Variants in UBXN2A observed in about 807,000 individuals in gnomAD.
UBXN2A encodes UBX domain protein 2A.
Under a neutral mutation model 28.4 loss-of-function variants are expected in UBXN2A, and 28 were observed. That is an observed-to-expected ratio of 0.99 (90% CI 0.73 to 1.35). The LOEUF (loss-of-function observed/expected upper bound fraction) is 1.35. UBXN2A is among the 40% of genes most tolerant of loss of function. The probability of loss-of-function intolerance (pLI) is 0.00; values close to 1 mark genes in which losing one functional copy is unlikely to be tolerated. For missense variants in UBXN2A, 253 were observed against 297.9 expected, an observed-to-expected ratio of 0.85 and a Z score of 1.11; for synonymous variants, 97 against 103.6, an observed-to-expected ratio of 0.94 and a Z score of 0.39.
At chr2:23,966,607 C>T (rs954488840) in intron 2 of UBXN2A, among the ~76,000 whole-genome samples, 1 of 150,104 alleles carries the variant, frequency 6.7e-6, no homozygotes, top group African/African-American at 2.4e-5. Flanking sequence ...CGCCCGCCAC[C>T]ACACCTGGCT....
upstream of UBXN2A, among the ~76,000 whole-genome samples, chr2:23,935,472 A>G (rs1448078728): frequency 6.6e-6 from 1 of 152,264 alleles, no homozygotes; most frequent in Non-Finnish European, 1.5e-5. Context: ...CGAATAGCCA[A>G]TAGGCGCATG....
intron 6 of UBXN2A, among the ~76,000 whole-genome samples, chr2:23,989,419 G>A (rs541849286): frequency 1.4e-4 from 21 of 150,812 alleles, no homozygotes; most frequent in African/African-American, 5.1e-4. Flanking sequence ...ATCCTCCTCA[G>A]TTTTTATACT....
chr2:23,951,405 G>T (rs1706350928), intron 1 of UBXN2A, among the ~76,000 whole-genome samples: 1 of 126,274 alleles, frequency 7.9e-6, no homozygotes, highest in African/African-American at 3.2e-5. Context: ...TTGATATACA[G>T]TAAGATGGAT....
chr2:24,000,050 C>G lies in UBXN2A; in HGVS notation c.*183C>G. On this transcript the variant is annotated 3_prime_UTR_variant, in exon 7 of 7. Transcript: ENST00000309033. ...TAAGAAAGTAGCATATGACTGGAAA[C>G]TATATTCAGTGCACTTTCTCCAAAA... 2 of 576,988 alleles carry G rather than the reference C, an allele frequency of 3.5e-6. No homozygotes were observed. The highest frequency in any genetic ancestry group is 6.0e-6 in the Non-Finnish European group (2 of 335,962). The allele number at this position is 576,988 out of a possible 1,614,324, so 35.7% of individuals were successfully genotyped here. A position where few individuals can be genotyped will look rare whatever the true frequency, so the allele number is the denominator to read the frequency against.
intron 5 of UBXN2A, among the ~76,000 whole-genome samples, chr2:23,984,063 G>A (rs1204854659): frequency 2.6e-5 from 4 of 152,184 alleles, no homozygotes; most frequent in African/African-American, 9.7e-5. Context: ...ATGAAAATCA[G>A]TGTCAGTATC....
intron 5 of UBXN2A, among the ~76,000 whole-genome samples, chr2:23,983,602 A>G (rs1490223896): frequency 6.6e-6 from 1 of 152,204 alleles, no homozygotes; most frequent in Non-Finnish European, 1.5e-5. Context: ...TATTAAGGAC[A>G]GAATTCAATA....
intron 2 of UBXN2A, among the ~76,000 whole-genome samples, chr2:23,969,708 G>GT (rs1707331978): frequency 6.6e-6 from 1 of 152,176 alleles, no homozygotes; most frequent in Non-Finnish European, 1.5e-5. Flanking sequence ...ATGTGTGCCT[G>GT]TAGAACCAGC....
chr2:23,961,200 A>G (rs1352704257), intron 2 of UBXN2A, among the ~76,000 whole-genome samples: 3 of 151,650 alleles, frequency 2.0e-5, no homozygotes, highest in Admixed American at 6.6e-5. Flanking sequence ...GGTTCAAGTA[A>G]TTCTCCTGCC....
At chr2:23,977,721 G>A (rs1243485929) in intron 4 of UBXN2A, among the ~76,000 whole-genome samples, 1 of 152,022 alleles carries the variant, frequency 6.6e-6, no homozygotes, top group African/African-American at 2.4e-5. Context: ...GCATTGTTTT[G>A]GTGAAAGAAT....
At chr2:23,998,091 C>T (rs146348490) in intron 6 of UBXN2A, among the ~76,000 whole-genome samples, 7,540 of 151,774 alleles carry the variant, frequency 0.05, 253 homozygotes, top group Middle Eastern at 0.079. Context: ...GGATTACAGG[C>T]GTGAGCCACC....
intron 1 of UBXN2A, among the ~76,000 whole-genome samples, chr2:23,932,224 AG>A (rs1242159825): frequency 6.6e-6 from 1 of 151,968 alleles, no homozygotes; most frequent in Non-Finnish European, 1.5e-5. Flanking sequence ...AGGCCGAGGC[AG>A]GAGAATTGCT....
chr2:23,977,795 A>G (rs1163874115), intron 4 of UBXN2A, among the ~76,000 whole-genome samples: 1 of 151,950 alleles, frequency 6.6e-6, no homozygotes, highest in East Asian at 1.9e-4. Flanking sequence ...GTACATTCAC[A>G]TTTTTATAAG....
At chr2:23,947,741 A>G (rs1706159076) in intron 1 of UBXN2A, among the ~76,000 whole-genome samples, 1 of 152,176 alleles carries the variant, frequency 6.6e-6, no homozygotes, top group South Asian at 2.1e-4. Context: ...TTAGTCCATA[A>G]AATTGTGCTA....
intron 1 of UBXN2A, among the ~76,000 whole-genome samples, chr2:23,930,129 C>A (rs1254994651): frequency 6.6e-6 from 1 of 152,116 alleles, no homozygotes; most frequent in Non-Finnish European, 1.5e-5. Flanking sequence ...ACCTCGTGAT[C>A]TGCCTGCCTC....
intron 1 of UBXN2A, among the ~76,000 whole-genome samples, chr2:23,948,945 C>CTA (rs1706225371): frequency 7.6e-6 from 1 of 131,812 alleles, no homozygotes; most frequent in African/African-American, 2.8e-5. Context: ...TCTCTTGTAG[C>CTA]TTTTTTTTTT....
At chr2:23,985,032 G>A (rs968604772) in intron 6 of UBXN2A, among the ~76,000 whole-genome samples, 5 of 151,896 alleles carry the variant, frequency 3.3e-5, no homozygotes, top group African/African-American at 9.7e-5. Context: ...CTCCTGAGTT[G>A]TAGAACTACA....
upstream of UBXN2A, among the ~76,000 whole-genome samples, chr2:23,937,119 G>A (rs766741313): frequency 1.3e-5 from 2 of 152,028 alleles, no homozygotes; most frequent in Non-Finnish European, 2.9e-5. Context: ...CTCAGCCTCC[G>A]AAAGTGCTGA....
intron 5 of UBXN2A, among the ~76,000 whole-genome samples, chr2:23,983,832 C>G (rs575260652): frequency 6.6e-6 from 1 of 152,050 alleles, no homozygotes; most frequent in African/African-American, 2.4e-5. Flanking sequence ...TACACCACCA[C>G]GCCCAGCCAA....
At chr2:23,927,704 C>T (rs2150772681) in intron 1 of UBXN2A, 1 of 152,194 alleles carries the variant, frequency 6.6e-6, no homozygotes, top group East Asian at 1.9e-4. Context: ...TTTCTATCCC[C>T]TTAGCCAGAT....
Sources: allele counts gnomAD v4.1 joint callset (sites outside exome capture counted in the v4.1 genomes callset), GRCh38; gene constraint gnomAD v4.1.1; transcripts MANE v1.5; gene names NCBI Gene and HGNC (gene_info 2026-07-23, HGNC 2026-07-21).